The following ZYG11A variants were observed in gnomAD, a reference collection of about 807,000 sequenced individuals.
The protein encoded by ZYG11A is protein zyg-11 homolog A.
In ZYG11A, 62 loss-of-function variants were observed where a neutral mutation model predicts 77.2. The observed-to-expected ratio is 0.80, with a 90% confidence interval of 0.65 to 0.99. The LOEUF (loss-of-function observed/expected upper bound fraction) is 0.99. ZYG11A is among the 50% of genes least tolerant of loss of function. The pLI, the probability that ZYG11A is intolerant of heterozygous loss-of-function variation, is 0.00. For missense variants in ZYG11A, 828 were observed against 896.8 expected, an observed-to-expected ratio of 0.92 and a Z score of 0.98; for synonymous variants, 315 against 324.6, an observed-to-expected ratio of 0.97 and a Z score of 0.32.
chr1:52,867,457 T>C, intron 6 of ZYG11A, 82 bp from the exon 7 acceptor site: 1 of 917,622 alleles, frequency 1.1e-6, no homozygotes, highest in Non-Finnish European at 1.7e-6. Context: ...ATAGGATTAC[T>C]TGGGGAATGC....
chr1:52,883,106 A>AATTTT (rs1210145136), intron 11 of ZYG11A, among the ~76,000 whole-genome samples: 1 of 151,664 alleles, frequency 6.6e-6, no homozygotes. Flanking sequence ...GATAATTTTA[A>AATTTT]ATTTTATTTT....
At chr1:52,845,398 C>T (rs907607062) in intron 1 of ZYG11A, among the ~76,000 whole-genome samples, 5 of 151,638 alleles carry the variant, frequency 3.3e-5, no homozygotes, top group South Asian at 4.2e-4. Context: ...CTCCGCCTCC[C>T]GGGTTCAAGC....
chr1:52,893,444 AG>A lies in ZYG11A; in HGVS notation c.*488del, dbSNP rs1418838789. The A allele has an allele frequency of 1.3e-5, 2 of 153,332 alleles. No homozygotes were observed. The highest frequency in any genetic ancestry group is 3.9e-4 in the East Asian group (2 of 5,194). 9.5% of individuals were successfully genotyped at this position (153,332 alleles called of 1,614,324 possible). ...TTAGAAGGCAGAACCCCTGTTGGAGAGCGGGGAAAAGAATTTATTTATTTAT... is the reference window on the plus strand; with the variant it reads ...TTAGAAGGCAGAACCCCTGTTGGAGACGGGGAAAAGAATTTATTTATTTAT... On this transcript the variant is annotated 3_prime_UTR_variant, in exon 14 of 14. Coordinates refer to ENST00000371528, the MANE Select transcript of ZYG11A (RefSeq NM_001004339.3).
chr1:52,874,507 C>T (rs1386915306), intron 8 of ZYG11A, among the ~76,000 whole-genome samples: 1 of 152,120 alleles, frequency 6.6e-6, no homozygotes, highest in Non-Finnish European at 1.5e-5. Context: ...CTGCCATTGC[C>T]TCTCAAAGTG....
At chr1:52,868,542 G>A (rs1305526906) in intron 8 of ZYG11A, among the ~76,000 whole-genome samples, 2 of 152,128 alleles carry the variant, frequency 1.3e-5, no homozygotes, top group African/African-American at 4.8e-5. Flanking sequence ...AGTACTTTGG[G>A]AGGCTGAGGC....
chr1:52,883,438 A>ATT (rs879663007), intron 11 of ZYG11A, among the ~76,000 whole-genome samples: 1 of 141,260 alleles, frequency 7.1e-6, no homozygotes, highest in African/African-American at 2.6e-5. Context: ...TAAAAAAAAG[A>ATT]TTTTTTTTTT....
At chr1:52,887,662 G>A (rs914497061) in intron 13 of ZYG11A, among the ~76,000 whole-genome samples, 1 of 151,594 alleles carries the variant, frequency 6.6e-6, no homozygotes, top group Admixed American at 6.6e-5. Flanking sequence ...GCAGGAGATC[G>A]CTTGAGGCCA....
intron 10 of ZYG11A, among the ~76,000 whole-genome samples, chr1:52,878,559 G>A (rs1646302786): frequency 6.6e-6 from 1 of 152,310 alleles, no homozygotes; most frequent in South Asian, 2.1e-4. Context: ...GATAGGAGAA[G>A]TTGTGTTATT....
rs1646466065 is a variant in ZYG11A, at chr1:52,887,050, A to G, written c.2101A>G (p.Asn701Asp). Residue 701 changes from asparagine (N) to aspartate (D), a missense_variant, in exon 13 of 14, where the codon AAT becomes GAT. Asn to Asp is a conservative substitution (Grantham distance 23, BLOSUM62 1). Coordinates refer to ENST00000371528, the MANE Select transcript of ZYG11A (RefSeq NM_001004339.3). ...GGCTATGTATCATGTCTGCAGTAAA[A>G]ATCGTATGTATTCAACATATATTCA... ...LWAMYHVCSKNPSKYCKMLVE... is the reference protein window; with the variant it reads ...LWAMYHVCSKDPSKYCKMLVE... 1 of 1,485,536 alleles carries G rather than the reference A, an allele frequency of 6.7e-7. No individual in the cohort carries two copies. Among genetic ancestry groups the G allele is most frequent in the Non-Finnish European group, 9.2e-7 (1 of 1,092,802 alleles). The allele number at this position is 1,485,536 out of a possible 1,614,324, so 92.0% of individuals were successfully genotyped here.
chr1:52,891,671 T>G (rs555738723), intron 13 of ZYG11A, among the ~76,000 whole-genome samples: 1 of 152,010 alleles, frequency 6.6e-6, no homozygotes, highest in East Asian at 1.9e-4. Flanking sequence ...CCTTTTCTTA[T>G]CTAGCCCTTT....
chr1:52,870,112 G>T (rs61771095), intron 8 of ZYG11A, among the ~76,000 whole-genome samples: 62,843 of 140,072 alleles, frequency 0.45, 15,029 homozygotes, highest in Non-Finnish European at 0.57. Flanking sequence ...AGACGGGGCG[G>T]CGGGGCAGAG....
intron 3 of ZYG11A, among the ~76,000 whole-genome samples, chr1:52,859,493 G>A (rs762702168): frequency 2.0e-5 from 3 of 151,212 alleles, no homozygotes; most frequent in African/African-American, 4.9e-5. Flanking sequence ...CCACCACCAC[G>A]CCTGGCTAAT....
At chr1:52,892,299 G>A (rs548233220) in intron 13 of ZYG11A, among the ~76,000 whole-genome samples, 349 of 148,644 alleles carry the variant, frequency 2.3e-3, no homozygotes, top group Non-Finnish European at 4.2e-3. Flanking sequence ...AGGCCGAGGC[G>A]GGCGGATCAT....
intron 1 of ZYG11A, among the ~76,000 whole-genome samples, chr1:52,847,669 GT>G (rs768011052): frequency 1.2e-3 from 160 of 132,808 alleles, no homozygotes; most frequent in Middle Eastern, 3.9e-3. Flanking sequence ...ACTGTACTTT[GT>G]TTTTTTTTTT....
In ZYG11A at chr1:52,877,834, A is replaced by C; in HGVS notation, c.1695A>C (p.Gln565His). ...IENQGLQIFI[Q>H]VLETFSESAI... ...ATCAAGGATTGCAAATCTTCATCCA[A>C]GTCTTGGAGGTGGGAAGACAGGATT... The change falls in exon 9 of 14, where the codon CAA becomes CAC. Residue 565 changes from glutamine (Q) to histidine (H), a missense_variant. Coordinates refer to ENST00000371528, the MANE Select transcript of ZYG11A (RefSeq NM_001004339.3). The C allele has an allele frequency of 6.4e-7, 1 of 1,551,486 alleles. No individual in the cohort carries two copies. Among genetic ancestry groups the C allele is most frequent in the South Asian group, 1.2e-5 (1 of 83,978 alleles).
intron 8 of ZYG11A, among the ~76,000 whole-genome samples, chr1:52,871,433 A>G (rs567922154): frequency 6.7e-6 from 1 of 150,352 alleles, no homozygotes; most frequent in African/African-American, 2.4e-5. Context: ...ATTCCCGTGT[A>G]TATATCTATT....
chr1:52,885,977 G>C (rs1026074133), intron 12 of ZYG11A, 83 bp downstream of exon 12: 24 of 1,093,926 alleles, frequency 2.2e-5, no homozygotes, highest in Non-Finnish European at 3.1e-5. Flanking sequence ...CAGTCGCCCA[G>C]GCTGGAGTGC....
At chr1:52,853,388 G>T (rs551042607) in intron 1 of ZYG11A, among the ~76,000 whole-genome samples, 68 of 152,316 alleles carry the variant, frequency 4.5e-4, no homozygotes, top group South Asian at 3.5e-3. Context: ...GTTTGAGGTT[G>T]TGAACAGTTT....
chr1:52,861,741 G>T (rs1645931318), intron 4 of ZYG11A, among the ~76,000 whole-genome samples: 1 of 151,960 alleles, frequency 6.6e-6, no homozygotes, highest in Non-Finnish European at 1.5e-5. Context: ...TTTATTTACA[G>T]CTCAAAAGCT....
Sources: gnomAD v4.1 joint callset for allele counts (sites outside exome capture counted in the v4.1 genomes callset) on GRCh38, gnomAD v4.1.1 for gene constraint, MANE v1.5 for transcripts, NCBI Gene and HGNC (gene_info 2026-07-23, HGNC 2026-07-21) for gene names.